Variants in TRAPPC9 observed in about 807,000 individuals in gnomAD.
The protein encoded by TRAPPC9 is trafficking protein particle complex subunit 9.
A neutral mutation model predicts 124.0 loss-of-function variants in TRAPPC9; 83 were observed. The observed-to-expected ratio is 0.67, with a 90% CI of 0.56 to 0.80. The LOEUF (loss-of-function observed/expected upper bound fraction) is 0.80, where lower values mean the gene tolerates loss of function less well. Ranked by LOEUF, TRAPPC9 falls within the 30% of genes least tolerant of loss-of-function variation. The pLI, the probability that TRAPPC9 is intolerant of heterozygous loss-of-function variation, is 0.00. For synonymous variants in TRAPPC9, 638 were observed against 617.5 expected (o/e 1.03, Z -0.49); for missense variants, 1,302 against 1,508.3 (o/e 0.86, Z 2.27).
chr8:139,918,851 G>A (rs1363734262), intron 19 of TRAPPC9, among the ~76,000 whole-genome samples: 1 of 152,176 alleles, frequency 6.6e-6, no homozygotes, highest in Non-Finnish European at 1.5e-5. Flanking sequence ...GCAAGACCTG[G>A]GCTCCTCCTG....
chr8:140,094,225 C>T (rs760025481), intron 17 of TRAPPC9, among the ~76,000 whole-genome samples: 1 of 152,240 alleles, frequency 6.6e-6, no homozygotes, highest in Non-Finnish European at 1.5e-5. Context: ...GCACCGCTCA[C>T]TGAGAAACAG....
chr8:140,321,174 C>A (rs763968028), intron 9 of TRAPPC9, among the ~76,000 whole-genome samples: 7 of 152,224 alleles, frequency 4.6e-5, no homozygotes, highest in Admixed American at 3.9e-4. Flanking sequence ...CCACTGCCTG[C>A]GGCAGAGAAG....
chr8:140,037,586 T>C (rs189078508), intron 17 of TRAPPC9, among the ~76,000 whole-genome samples: 95 of 141,592 alleles, frequency 6.7e-4, no homozygotes, highest in African/African-American at 2.2e-3. Context: ...CACACACACA[T>C]ACACACACAC....
rs189015069 is a variant in TRAPPC9, at chr8:140,333,369, A to C, written c.1496-21995T>G. ...GATATAGATATAGATGTAGATATAG[A>C]TATAGATACATAGGTTTTTGTTTTG... On this transcript the variant is annotated intron_variant, in intron 9 of 22. Coordinates refer to ENST00000438773, the MANE Select transcript of TRAPPC9 (RefSeq NM_001160372.4). Among the ~76,000 whole-genome samples the C allele has an allele frequency of 3.8e-3, 574 of 152,304 alleles. 4 individuals carry two copies. The highest frequency in any genetic ancestry group is 0.013 in the African/African-American group (521 of 41,544).
chr8:139,923,464 C>T (rs891828708), intron 19 of TRAPPC9, among the ~76,000 whole-genome samples: 3 of 150,988 alleles, frequency 2.0e-5, no homozygotes. Context: ...CCACCCCGAA[C>T]TCACGTTTCA....
At chr8:140,388,057 G>A (rs1456181882) in intron 7 of TRAPPC9, among the ~76,000 whole-genome samples, 2 of 151,858 alleles carry the variant, frequency 1.3e-5, no homozygotes, top group African/African-American at 4.8e-5. Flanking sequence ...AAAAGGATGA[G>A]TTCATGTCCT....
At chr8:139,932,256 C>A (rs766559906) in intron 19 of TRAPPC9, 7 of 451,296 alleles carry the variant, frequency 1.6e-5, no homozygotes, top group African/African-American at 4.0e-5. Context: ...GGGAGTCCCG[C>A]ACCACGGGGC....
chr8:140,068,858 A>G (rs1344794015), intron 17 of TRAPPC9, among the ~76,000 whole-genome samples: 1 of 152,262 alleles, frequency 6.6e-6, no homozygotes, highest in African/African-American at 2.4e-5. Context: ...TTTCTGTGTC[A>G]ATGCAAGTTT....
chr8:139,951,038 C>A (rs963663385), intron 19 of TRAPPC9, among the ~76,000 whole-genome samples: 3 of 152,184 alleles, frequency 2.0e-5, no homozygotes, highest in Admixed American at 1.3e-4. Context: ...CAGACCCAGG[C>A]GCGCACATCC....
chr8:139,992,258 TG>T (rs1032349345), intron 18 of TRAPPC9, among the ~76,000 whole-genome samples: 2 of 152,162 alleles, frequency 1.3e-5, no homozygotes, highest in African/African-American at 4.8e-5. Context: ...TATAAATTCA[TG>T]GAACAATATT....
chr8:140,005,728 C>G (rs1838704780), intron 18 of TRAPPC9, among the ~76,000 whole-genome samples: 1 of 151,878 alleles, frequency 6.6e-6, no homozygotes, highest in African/African-American at 2.4e-5. Flanking sequence ...TGATGGGACT[C>G]ACTAAAAGAC....
chr8:139,909,949 A>C (rs575615800), intron 20 of TRAPPC9, among the ~76,000 whole-genome samples, 198 bp downstream of exon 20: 1 of 152,318 alleles, frequency 6.6e-6, no homozygotes, highest in South Asian at 2.1e-4. Flanking sequence ...CCCCCAATCA[A>C]TACTGCTCCG....
chr8:140,367,557 C>T (rs2068154048), intron 8 of TRAPPC9, among the ~76,000 whole-genome samples: 1 of 151,952 alleles, frequency 6.6e-6, no homozygotes, highest in South Asian at 2.1e-4. Context: ...TCAGTGGTTG[C>T]CAGAAGGTAA....
At chr8:139,959,581 A>ACCCCTCCCCACCACCAG (rs1835239824) in intron 19 of TRAPPC9, among the ~76,000 whole-genome samples, 1 of 152,078 alleles carries the variant, frequency 6.6e-6, no homozygotes, top group Non-Finnish European at 1.5e-5. Context: ...CCCACCACCA[A>ACCCCTCCCCACCACCAG]CACCCCTCCC....
At chr8:140,013,781 TTAA>T (rs974399620) in intron 18 of TRAPPC9, among the ~76,000 whole-genome samples, 7 of 152,204 alleles carry the variant, frequency 4.6e-5, no homozygotes, top group African/African-American at 1.4e-4. Context: ...TCAGGCACTG[TTAA>T]TAATTTTTCA....
At chr8:140,035,975 C>T (rs1563709296) in intron 17 of TRAPPC9, among the ~76,000 whole-genome samples, 1 of 152,186 alleles carries the variant, frequency 6.6e-6, no homozygotes, top group Non-Finnish European at 1.5e-5. Flanking sequence ...TGGATTTGGA[C>T]CAATTAATCT....
chr8:140,034,184 C>T (rs909120408), intron 17 of TRAPPC9, among the ~76,000 whole-genome samples: 3 of 152,182 alleles, frequency 2.0e-5, no homozygotes, highest in Non-Finnish European at 4.4e-5. Context: ...TGGCACAAAG[C>T]AACTATTCAA....
chr8:139,915,563 A>G (rs1288508317), intron 19 of TRAPPC9, among the ~76,000 whole-genome samples: 1 of 152,176 alleles, frequency 6.6e-6, no homozygotes, highest in Non-Finnish European at 1.5e-5. Context: ...AATTTTTAAT[A>G]AAGTAAGGAC....
rs1001858805 is a variant in TRAPPC9 at position 139,776,253 on chromosome 8, C to T, written c.3056-44051G>A. On this transcript the variant is annotated intron_variant, in intron 21 of 22. Coordinates refer to ENST00000438773, the MANE Select transcript of TRAPPC9 (RefSeq NM_001160372.4). The surrounding 1 kb of genome is among the most constrained non-coding windows in gnomAD (Gnocchi z 4.1). ...GGACGCCAGGCTGCAGCCTCCCAGT[C>T]AGATGACTCAGCGCACAGATGAACT... Among the ~76,000 whole-genome samples the T allele has an allele frequency of 6.6e-6, 1 of 152,314 alleles. No individual in the cohort carries two copies. Among genetic ancestry groups the T allele is most frequent in the South Asian group, 2.1e-4 (1 of 4,828 alleles).
Sources: allele counts gnomAD v4.1 joint callset (sites outside exome capture counted in the v4.1 genomes callset), GRCh38; gene constraint gnomAD v4.1.1; non-coding constraint Gnocchi (gnomAD v3.1); transcripts MANE v1.5; gene names NCBI Gene and HGNC (gene_info 2026-07-23, HGNC 2026-07-21).